The following ANKRD18B variants were observed in gnomAD, a reference collection of about 807,000 sequenced individuals.
ANKRD18B encodes the protein ankyrin repeat domain-containing protein 18B.
ANKRD18B carries 75 observed loss-of-function variants against 111.8 expected under a neutral mutation model. The observed-to-expected ratio is 0.67, with a 90% confidence interval of 0.56 to 0.81. The LOEUF is 0.81. Ranked by LOEUF, ANKRD18B falls within the 40% of genes least tolerant of loss-of-function variation. ANKRD18B has a pLI of 0.00. For synonymous variants in ANKRD18B, 356 were observed against 417.3 expected, an observed-to-expected ratio of 0.85 and a Z score of 1.79; for missense variants, 1,038 against 1,225.5, an observed-to-expected ratio of 0.85 and a Z score of 2.28.
intron 4 of ANKRD18B, 134 bp downstream of exon 4, chr9:33,533,679 A>T (rs1828149382): frequency 1.4e-6 from 2 of 1,401,396 alleles, no homozygotes; most frequent in Admixed American, 6.7e-5. Context: ...AAATAACATG[A>T]ATAATCAGGT....
In ANKRD18B at chr9:33,548,177, T is replaced by C. The variant is rs41304751; in HGVS notation, c.1389T>C (p.Asn463=). 0.093 allele frequency: 144,262 copies of C among 1,546,818 alleles called. 6,932 individuals are homozygous for C. The highest frequency in any genetic ancestry group is 0.12 in the South Asian group (9,543 of 82,634). The change falls in exon 11 of 19, where the codon AAT becomes AAC. Residue 463 remains asparagine (N), a synonymous_variant. Transcript: ENST00000684830. ...TGGCCCAGTATTCGCAACAGCTTAATGATCTGAAAGCTGAGAATGCAAGGC... is the reference window on the plus strand; with the variant it reads ...TGGCCCAGTATTCGCAACAGCTTAACGATCTGAAAGCTGAGAATGCAAGGC... ...KKVAQYSQQL[N]DLKAENARLN...
At chr9:33,547,372 C>T (rs911883099) in intron 10 of ANKRD18B, among the ~76,000 whole-genome samples, 5 of 152,158 alleles carry the variant, frequency 3.3e-5, no homozygotes, top group African/African-American at 1.2e-4. Flanking sequence ...GTGCTTAGTA[C>T]AATGTCTAGA....
At chr9:33,563,100 G>A (rs929454919) in intron 14 of ANKRD18B, among the ~76,000 whole-genome samples, 1 of 151,996 alleles carries the variant, frequency 6.6e-6, no homozygotes, top group Non-Finnish European at 1.5e-5. Flanking sequence ...CCTCTCTCCT[G>A]GTTATCTGCT....
At chr9:33,559,818 T>C (rs911748533) in intron 14 of ANKRD18B, among the ~76,000 whole-genome samples, 2 of 152,218 alleles carry the variant, frequency 1.3e-5, no homozygotes, top group African/African-American at 4.8e-5. Flanking sequence ...GTAATTAACA[T>C]ACCATGCAAT....
chr9:33,534,527 G>T lies in ANKRD18B; in HGVS notation c.740+20G>T. 6.6e-7 allele frequency: 1 copy of T among 1,510,276 alleles called. No homozygotes were observed. The highest frequency in any genetic ancestry group is 1.3e-5 in the South Asian group (1 of 75,428). 93.6% of individuals were successfully genotyped at this position (1,510,276 alleles called of 1,614,324 possible). ...GAGAAGGTATGTGCTTATATTAAAA[G>T]ACCGGTTAATACTAAATTAAGGTTT... On this transcript the variant is annotated intron_variant, in intron 5 of 18. Transcript: ENST00000684830.
intron 1 of ANKRD18B, 48 bp downstream of exon 1, chr9:33,524,743 T>A: frequency 6.6e-7 from 1 of 1,519,182 alleles, no homozygotes; most frequent in South Asian, 1.3e-5. Flanking sequence ...AGGCCCGGTT[T>A]CCCCGCACCG....
downstream of ANKRD18B, among the ~76,000 whole-genome samples, chr9:33,575,248 C>G (rs1296407540): frequency 6.6e-6 from 1 of 152,252 alleles, no homozygotes; most frequent in Non-Finnish European, 1.5e-5. Flanking sequence ...CAGGCCCAGT[C>G]TGGCTCCATG....
chr9:33,565,424 A>T (rs532833628), intron 14 of ANKRD18B, among the ~76,000 whole-genome samples: 1 of 152,226 alleles, frequency 6.6e-6, no homozygotes. Flanking sequence ...TTTGCGGTTT[A>T]GGGAAAGGCT....
intron 3 of ANKRD18B, among the ~76,000 whole-genome samples, chr9:33,530,741 G>C (rs1017307399): frequency 6.6e-6 from 1 of 152,162 alleles, no homozygotes; most frequent in African/African-American, 2.4e-5. Context: ...TGACTGGGAA[G>C]TGAAAGGAAA....
chr9:33,535,324 C>T (rs1377082687), intron 5 of ANKRD18B, among the ~76,000 whole-genome samples: 1 of 151,990 alleles, frequency 6.6e-6, no homozygotes, highest in South Asian at 2.1e-4. Context: ...CTTGCTCAGT[C>T]GCCCAGGCTG....
intron 14 of ANKRD18B, among the ~76,000 whole-genome samples, chr9:33,564,817 T>A (rs560645800): frequency 6.6e-6 from 1 of 152,280 alleles, no homozygotes; most frequent in South Asian, 2.1e-4. Flanking sequence ...TTTTTAAATG[T>A]ATTTATTGGC....
rs1828700302 is a variant in ANKRD18B, at chr9:33,567,239, C to A, written c.2879C>A (p.Thr960Asn). 6.5e-7 allele frequency: 1 copy of A among 1,550,038 alleles called. No individual in the cohort carries two copies. Among genetic ancestry groups the A allele is most frequent in the African/African-American group, 1.4e-5 (1 of 73,098 alleles). The change falls in exon 16 of 19, where the codon ACT (threonine) becomes AAT (asparagine). Residue 960 changes from threonine (T) to asparagine (N), a missense_variant. Physicochemically the swap from Thr to Asn is moderately conservative, Grantham distance 65. Coordinates refer to ENST00000684830, the MANE Select transcript of ANKRD18B (RefSeq NM_001393611.1). Reference sequence around the variant, plus strand: ...AAAACAGCTTATGAAGATGTTACAACTGAATTAGAAGAGTATAAGGAAGCC... The same window carrying A: ...AAAACAGCTTATGAAGATGTTACAAATGAATTAGAAGAGTATAAGGAAGCC... The part of the protein sequence containing the change: ...KMKTAYEDVT[T>N]ELEEYKEAFA...
intron 6 of ANKRD18B, 79 bp downstream of exon 6, chr9:33,537,024 T>A (rs897205244): frequency 4.4e-5 from 49 of 1,126,164 alleles, no homozygotes; most frequent in Non-Finnish European, 5.8e-5. Context: ...AGGCCAGGCA[T>A]GGTGGCTCAC....
intron 6 of ANKRD18B, among the ~76,000 whole-genome samples, chr9:33,538,558 A>T (rs1194155984): frequency 2.0e-5 from 3 of 152,170 alleles, no homozygotes; most frequent in Non-Finnish European, 4.4e-5. Context: ...CAACATGGTG[A>T]AACCCTATCT....
chr9:33,535,613 G>GA (rs1040818158), intron 5 of ANKRD18B, among the ~76,000 whole-genome samples: 4 of 149,228 alleles, frequency 2.7e-5, no homozygotes, highest in African/African-American at 9.8e-5. Flanking sequence ...CCATAATAAT[G>GA]AAAATCTCTC....
chr9:33,541,657 C>T (rs947288660), intron 9 of ANKRD18B, among the ~76,000 whole-genome samples: 2 of 152,162 alleles, frequency 1.3e-5, no homozygotes, highest in African/African-American at 4.8e-5. Context: ...ATGATAGCAA[C>T]ATTATACTGT....
At chr9:33,538,719 G>A (rs1828236564) in intron 6 of ANKRD18B, among the ~76,000 whole-genome samples, 1 of 151,780 alleles carries the variant, frequency 6.6e-6, no homozygotes, top group South Asian at 2.1e-4. Context: ...GGGTGACAGA[G>A]CAAGATTCCA....
intron 3 of ANKRD18B, among the ~76,000 whole-genome samples, chr9:33,532,558 T>C (rs933420555): frequency 1.3e-5 from 2 of 152,228 alleles, no homozygotes; most frequent in East Asian, 1.9e-4. Context: ...AGCTTTCTAA[T>C]AGTTAAGATA....
intron 4 of ANKRD18B, 26 bp from the exon 5 acceptor site, chr9:33,534,344 G>T (rs1828163357): frequency 2.0e-6 from 3 of 1,514,310 alleles, no homozygotes; most frequent in Middle Eastern, 3.5e-4. Context: ...AAGTTCTTGA[G>T]TGCTGTTATT....
Sources: allele counts gnomAD v4.1 joint callset (sites outside exome capture counted in the v4.1 genomes callset), GRCh38; gene constraint gnomAD v4.1.1; transcripts MANE v1.5; gene names NCBI Gene and HGNC (gene_info 2026-07-23, HGNC 2026-07-21).